LMO3: variants seen among roughly 807,000 people sequenced by gnomAD.
LMO3 encodes LIM domain only 3.
LMO3 carries 2 observed loss-of-function variants against 15.8 expected under a neutral mutation model. The observed-to-expected ratio is 0.13, with a 90% CI of 0.05 to 0.40. The LOEUF is 0.40. Among genes scored for constraint, LMO3 ranks in the 10% least tolerant of loss-of-function variants. The pLI is 0.99. For synonymous variants in LMO3, 62 were observed against 63.8 expected (o/e 0.97, Z 0.13); for missense variants, 86 against 182.2 (o/e 0.47, Z 3.04).
chr12:16,571,054 T>A (rs1942797550), intron 2 of LMO3, among the ~76,000 whole-genome samples: 1 of 152,088 alleles, frequency 6.6e-6, no homozygotes, highest in African/African-American at 2.4e-5. Context: ...TTTAAAAAAA[T>A]CTATTATCTA....
chr12:16,579,609 G>A (rs562474386), intron 2 of LMO3, among the ~76,000 whole-genome samples: 1 of 152,292 alleles, frequency 6.6e-6, no homozygotes, highest in South Asian at 2.1e-4. Flanking sequence ...GAAAGATCAC[G>A]TTGGTGGAAT....
chr12:16,572,339 C>CTTTTTTTTTT (rs59773866), intron 2 of LMO3, among the ~76,000 whole-genome samples: 19 of 89,532 alleles, frequency 2.1e-4, no homozygotes, highest in East Asian at 3.5e-4. Context: ...GGTCCAAACT[C>CTTTTTTTTTT]TTTTTTTTTT....
chr12:16,605,694 T>C, intron 1 of LMO3: 1 of 1,350,786 alleles, frequency 7.4e-7, no homozygotes, highest in Non-Finnish European at 1.0e-6. Context: ...CCTGCCCCTC[T>C]CTCCCCGGGA....
intron 2 of LMO3, among the ~76,000 whole-genome samples, chr12:16,580,648 T>A (rs920685437): frequency 1.3e-5 from 2 of 152,146 alleles, no homozygotes; most frequent in Non-Finnish European, 2.9e-5. Context: ...CAAAACAGAA[T>A]GTAAATACAA....
At chr12:16,561,845 C>T (rs573896792) in intron 2 of LMO3, among the ~76,000 whole-genome samples, 5 of 152,110 alleles carry the variant, frequency 3.3e-5, no homozygotes, top group African/African-American at 1.2e-4. Flanking sequence ...AGAGCATAAG[C>T]GCCTTGAAGG....
At chr12:16,581,036 T>A (rs2137535516) in intron 2 of LMO3, among the ~76,000 whole-genome samples, 1 of 152,336 alleles carries the variant, frequency 6.6e-6, no homozygotes, top group Admixed American at 6.5e-5. Flanking sequence ...TAACAAATTT[T>A]TTTCTAATCT....
chr12:16,560,860 A>T lies in LMO3; in HGVS notation c.207-322T>A, dbSNP rs1279370621. 3.2e-6 allele frequency: 1 copy of T among 308,206 alleles called. No homozygotes were observed. Among genetic ancestry groups the T allele is most frequent in the East Asian group, 7.8e-5 (1 of 12,762 alleles). The allele number at this position is 308,206 out of a possible 1,614,324, so 19.1% of individuals were successfully genotyped here. On this transcript the variant is annotated intron_variant, in intron 2 of 3. Transcript: ENST00000537304. This position sits in a 1 kb window ranked among gnomAD's most constrained non-coding sequence, Gnocchi z 5.0. ...CTCTGGGTTAGAGTATATAGAAAAT[A>T]TAAAAGCAATATAACTTTGCTCTTA...
In LMO3 at chr12:16,560,614, A is replaced by G; in HGVS notation, c.207-76T>C. ...GAGATCGTGAAGAGAGATGATGTTA[A>G]TATACTCTGTAAAGCTACAATACAC... On this transcript the variant is annotated intron_variant, in intron 2 of 3. Transcript: ENST00000537304. This position sits in a 1 kb window ranked among gnomAD's most constrained non-coding sequence, Gnocchi z 5.0. 3.9e-6 allele frequency: 5 copies of G among 1,293,886 alleles called. No individual in the cohort carries two copies. The highest frequency in any genetic ancestry group is 5.5e-6 in the Non-Finnish European group (5 of 914,814). 80.2% of individuals were successfully genotyped at this position (1,293,886 alleles called of 1,614,324 possible).
intron 2 of LMO3, among the ~76,000 whole-genome samples, chr12:16,580,248 A>G (rs1943118660): frequency 6.6e-6 from 1 of 152,178 alleles, no homozygotes; most frequent in East Asian, 1.9e-4. Context: ...CTACAGGTGC[A>G]TGCCACTGCT....
intron 1 of LMO3, among the ~76,000 whole-genome samples, chr12:16,601,084 A>T (rs1943808393): frequency 6.6e-6 from 1 of 152,222 alleles, no homozygotes; most frequent in Non-Finnish European, 1.5e-5. Context: ...GCCAAGTGAC[A>T]ATAATAATAA....
chr12:16,590,437 A>G (rs1013184984), intron 2 of LMO3, among the ~76,000 whole-genome samples: 2 of 152,102 alleles, frequency 1.3e-5, no homozygotes, highest in African/African-American at 4.8e-5. Context: ...ATATTATTTT[A>G]CATGTTTTGT....
rs1943684885 is a variant in LMO3, at chr12:16,597,169, C to T, written c.206+3486G>A. 6.6e-6 allele frequency among the ~76,000 whole-genome samples: 1 copy of T among 151,602 alleles called. No homozygotes were observed. The highest frequency in any genetic ancestry group is 2.4e-5 in the African/African-American group (1 of 41,352). On this transcript the variant is annotated intron_variant, in intron 2 of 3. Transcript: ENST00000537304. The surrounding 1 kb of genome is among the most constrained non-coding windows in gnomAD (Gnocchi z 5.0). ...CAGCTAAATGAATGATATGCCAGTC[C>T]AGTTCTGGAAAGTGAAAAATTCCAC... is the stretch of plus-strand genomic sequence containing the variant.
chr12:16,594,137 C>G, intron 2 of LMO3: 1 of 1,531,968 alleles, frequency 6.5e-7, no homozygotes, highest in Non-Finnish European at 8.7e-7. Context: ...TAAAGCTTAC[C>G]AAGCTATGGT....
In LMO3 at chr12:16,559,807, A is replaced by G. The variant is rs1455997457; in HGVS notation, c.332+606T>C. Among the ~76,000 whole-genome samples the G allele has an allele frequency of 2.0e-5, 3 of 151,630 alleles. No individual in the cohort carries two copies. Among genetic ancestry groups the G allele is most frequent in the Admixed American group, 6.6e-5 (1 of 15,204 alleles). On this transcript the variant is annotated intron_variant, in intron 3 of 3. Coordinates refer to ENST00000537304, the MANE Select transcript of LMO3 (RefSeq NM_018640.5). The surrounding 1 kb of genome is among the most constrained non-coding windows in gnomAD (Gnocchi z 4.1). The stretch of plus-strand genomic sequence containing the variant: ...CATCTCTATAAAAAATGAAAAAAAA[A>G]AAAAATTAGCCAGGCATGGGAGTGC...
chr12:16,564,162 C>T (rs368901928), intron 2 of LMO3, among the ~76,000 whole-genome samples: 4 of 152,090 alleles, frequency 2.6e-5, no homozygotes, highest in East Asian at 3.9e-4. Flanking sequence ...TAAAAACAGA[C>T]ATGAATATAA....
intron 2 of LMO3, among the ~76,000 whole-genome samples, chr12:16,571,895 A>G (rs746852158): frequency 3.3e-5 from 5 of 152,052 alleles, no homozygotes; most frequent in Non-Finnish European, 5.9e-5. Flanking sequence ...TTTATTTAAT[A>G]TAAGCTAGTA....
chr12:16,604,877 C>T lies in LMO3; in HGVS notation c.-9+1189G>A, dbSNP rs1417546050. On this transcript the variant is annotated intron_variant, in intron 1 of 3. Transcript: ENST00000537304. The surrounding 1 kb of genome is among the most constrained non-coding windows in gnomAD (Gnocchi z 5.3). ...ACTGTAACCTTACCAAAACTTTTCT[C>T]CTTTTTCTGCATGAGTTGACTTAGG... The T allele has an allele frequency of 1.3e-6, 2 of 1,598,470 alleles. No homozygotes were observed. Among genetic ancestry groups the T allele is most frequent in the Admixed American group, 3.3e-5 (2 of 60,028 alleles).
rs1204567117 is a variant in LMO3, at chr12:16,584,243, A to G, written c.206+16412T>C. On this transcript the variant is annotated intron_variant, in intron 2 of 3. Coordinates refer to ENST00000537304, the MANE Select transcript of LMO3 (RefSeq NM_018640.5). The surrounding 1 kb of genome is among the most constrained non-coding windows in gnomAD (Gnocchi z 5.2). ...GTAGTGAGTGGGGAGAGTTATGTGT[A>G]TCTAAGATTGCCAGTTTCTCCTCTT... 4.6e-5 allele frequency among the ~76,000 whole-genome samples: 7 copies of G among 152,264 alleles called. No individual in the cohort carries two copies. Among genetic ancestry groups the G allele is most frequent in the Non-Finnish European group, 8.8e-5 (6 of 68,018 alleles).
chr12:16,609,849 T>C (rs1159554042), upstream of LMO3: 1 of 152,134 alleles, frequency 6.6e-6, no homozygotes, highest in African/African-American at 2.4e-5. Flanking sequence ...AGATTACTTT[T>C]GTGTGCGGGT....
Sources: gnomAD v4.1 joint callset for allele counts (sites outside exome capture counted in the v4.1 genomes callset) on GRCh38, gnomAD v4.1.1 for gene constraint, Gnocchi (gnomAD v3.1) non-coding constraint, MANE v1.5 for transcripts, NCBI Gene and HGNC (gene_info 2026-07-23, HGNC 2026-07-21) for gene names.